Variants in COLEC12 observed in about 807,000 individuals in gnomAD.
COLEC12 encodes the protein collectin subfamily member 12.
In COLEC12, 33 loss-of-function variants were observed where a neutral mutation model predicts 71.1. The ratio of observed to expected loss-of-function variants is 0.46; its 90% CI spans 0.35 to 0.62. COLEC12 has a LOEUF of 0.62. Among genes scored for constraint, COLEC12 ranks in the 20% least tolerant of loss-of-function variants. The pLI is 0.00. For missense variants in COLEC12, 765 were observed against 916.1 expected, an observed-to-expected ratio of 0.84 and a Z score of 2.13; for synonymous variants, 350 against 353.0, an observed-to-expected ratio of 0.99 and a Z score of 0.10.
intron 2 of COLEC12, among the ~76,000 whole-genome samples, chr18:420,697 T>C (rs1285901418): frequency 6.6e-6 from 1 of 152,170 alleles, no homozygotes; most frequent in African/African-American, 2.4e-5. Context: ...AATGTTAAAC[T>C]CATTTGTTTG....
At chr18:392,244 T>G (rs372720089) in intron 2 of COLEC12, among the ~76,000 whole-genome samples, 16 of 152,336 alleles carry the variant, frequency 1.1e-4, no homozygotes, top group African/African-American at 3.8e-4. Flanking sequence ...CTGCTGGGCA[T>G]GGCTATCATT....
Position 321,581 on chromosome 18 carries a change from A to G in COLEC12, c.2209+81T>C, listed in dbSNP as rs899791958. ...AAACCTAATTGCAGTGCCTGCATTC[A>G]GGGCCCTTGTACTCACCACCCCTCA... is the stretch of plus-strand genomic sequence containing the variant. On this transcript the variant is annotated intron_variant, in intron 9 of 9. Transcript: ENST00000400256. The G allele has an allele frequency of 8.7e-6, 12 of 1,375,368 alleles. No individual in the cohort carries two copies. In the African/African-American group the frequency reaches 1.6e-4, roughly 18 times the overall value. The allele number at this position is 1,375,368 out of a possible 1,614,324, so 85.2% of individuals were successfully genotyped here.
chr18:455,389 T>G (rs1431983643), intron 2 of COLEC12, among the ~76,000 whole-genome samples: 1 of 150,972 alleles, frequency 6.6e-6, no homozygotes, highest in Non-Finnish European at 1.5e-5. Flanking sequence ...GCCATTCTCC[T>G]GCCTCAACCT....
intron 8 of COLEC12, among the ~76,000 whole-genome samples, chr18:329,197 T>C (rs1296078739): frequency 2.0e-5 from 3 of 152,054 alleles, no homozygotes; most frequent in African/African-American, 7.2e-5. Flanking sequence ...AGGAGAAAAA[T>C]TTCACATTGG....
At chr18:459,337 T>C (rs916836191) in intron 2 of COLEC12, among the ~76,000 whole-genome samples, 3 of 152,176 alleles carry the variant, frequency 2.0e-5, no homozygotes, top group African/African-American at 7.2e-5. Flanking sequence ...CTGCCATAAG[T>C]CTGGAAGGTC....
chr18:335,213 C>T lies in COLEC12; in HGVS notation c.1345G>A (p.Gly449Ser), dbSNP rs1353668943. The change falls in exon 6 of 10, where the codon GGT (glycine) becomes AGT (serine). Residue 449 changes from glycine to serine, a missense_variant. Coordinates refer to ENST00000400256, the MANE Select transcript of COLEC12 (RefSeq NM_130386.3). ...TGGGATCCTCTGTCACCTCTTGGAC[C>T]CCTGGGGCCCGGTGGACCTAAAGCA... is the stretch of plus-strand genomic sequence containing the variant. ...TILQGPPGPR[G>S]PRGDRGSQGP... 1.3e-6 allele frequency: 2 copies of T among 1,597,954 alleles called. No individual in the cohort carries two copies. Among genetic ancestry groups the T allele is most frequent in the Non-Finnish European group, 1.7e-6 (2 of 1,175,336 alleles).
At chr18:439,852 A>G (rs962829632) in intron 2 of COLEC12, among the ~76,000 whole-genome samples, 2 of 152,334 alleles carry the variant, frequency 1.3e-5, no homozygotes, top group Non-Finnish European at 2.9e-5. Flanking sequence ...ATATATCCAA[A>G]GGAAACAAAA....
chr18:450,747 G>A (rs1916745306), intron 2 of COLEC12, among the ~76,000 whole-genome samples: 1 of 152,230 alleles, frequency 6.6e-6, no homozygotes, highest in South Asian at 2.1e-4. Flanking sequence ...GGTTGGAGGA[G>A]TGTGGAGGGC....
At chr18:419,868 A>G (rs1222101937) in intron 2 of COLEC12, among the ~76,000 whole-genome samples, 1 of 152,180 alleles carries the variant, frequency 6.6e-6, no homozygotes, top group Non-Finnish European at 1.5e-5. Flanking sequence ...CAGCAGAAAG[A>G]ATGCCGTGCC....
At chr18:461,302 C>A (rs1036098525) in intron 2 of COLEC12, among the ~76,000 whole-genome samples, 1 of 152,082 alleles carries the variant, frequency 6.6e-6, no homozygotes, top group Non-Finnish European at 1.5e-5. Context: ...TTTTATTTAA[C>A]CCAATAGACA....
chr18:464,748 TACAACAGGTAC>T (rs1201711932), intron 2 of COLEC12, among the ~76,000 whole-genome samples: 1 of 152,242 alleles, frequency 6.6e-6, no homozygotes, highest in African/African-American at 2.4e-5. Flanking sequence ...AGGGCCAGAA[TACAACAGGTAC>T]ACAACATATA....
At chr18:419,997 C>T (rs990046968) in intron 2 of COLEC12, among the ~76,000 whole-genome samples, 1 of 152,136 alleles carries the variant, frequency 6.6e-6, no homozygotes, top group African/African-American at 2.4e-5. Context: ...TGGAGGGAGC[C>T]CAAGCTGGTT....
chr18:361,030 C>T (rs1275865467), intron 2 of COLEC12, among the ~76,000 whole-genome samples: 1 of 152,172 alleles, frequency 6.6e-6, no homozygotes, highest in African/African-American at 2.4e-5. Flanking sequence ...CCCAATCCCT[C>T]AGGTGGTTAA....
chr18:419,387 G>T (rs1164965408), intron 2 of COLEC12, among the ~76,000 whole-genome samples: 2 of 152,118 alleles, frequency 1.3e-5, no homozygotes, highest in African/African-American at 4.8e-5. Context: ...TGTAATTGTA[G>T]TAGAGAGGGG....
chr18:358,030 C>T (rs886383226), intron 2 of COLEC12, among the ~76,000 whole-genome samples: 32 of 152,310 alleles, frequency 2.1e-4, no homozygotes, highest in African/African-American at 6.3e-4. Flanking sequence ...ACTGCACATG[C>T]GAGGGATCTA....
At chr18:367,789 G>A (rs1914887871) in intron 2 of COLEC12, among the ~76,000 whole-genome samples, 3 of 152,154 alleles carry the variant, frequency 2.0e-5, no homozygotes, top group Admixed American at 6.5e-5. Context: ...CCACATACTT[G>A]TTATTAAAAC....
chr18:471,037 C>G (rs1392899457), intron 2 of COLEC12, among the ~76,000 whole-genome samples: 1 of 152,176 alleles, frequency 6.6e-6, no homozygotes, highest in African/African-American at 2.4e-5. Context: ...GAGTTTGATT[C>G]TCTTGTTTTC....
At chr18:330,780 T>A (rs1478020724) in intron 8 of COLEC12, among the ~76,000 whole-genome samples, 1 of 152,128 alleles carries the variant, frequency 6.6e-6, no homozygotes, top group Admixed American at 6.6e-5. Flanking sequence ...TTATGGGGAA[T>A]CTTCAAACCT....
At chr18:491,509 C>G (rs1917619164) in intron 1 of COLEC12, among the ~76,000 whole-genome samples, 1 of 152,166 alleles carries the variant, frequency 6.6e-6, no homozygotes, top group African/African-American at 2.4e-5. Flanking sequence ...TGGAAAACAT[C>G]CAACACATAC....
Sources: allele counts gnomAD v4.1 joint callset (sites outside exome capture counted in the v4.1 genomes callset), GRCh38; gene constraint gnomAD v4.1.1; transcripts MANE v1.5; gene names NCBI Gene and HGNC (gene_info 2026-07-23, HGNC 2026-07-21).